Variants in CELF2 observed in about 807,000 individuals in gnomAD.
CELF2 encodes the protein CUG triplet repeat RNA-binding protein 2.
In CELF2, 8 loss-of-function variants were observed where a neutral mutation model predicts 62.6. The observed-to-expected ratio is 0.13, with a 90% CI of 0.07 to 0.23. The LOEUF (loss-of-function observed/expected upper bound fraction) is 0.23. Ranked by LOEUF, CELF2 falls within the 10% of genes least tolerant of loss-of-function variation. The probability of loss-of-function intolerance (pLI) is 1.00; values close to 1 mark genes in which losing one functional copy is unlikely to be tolerated. For missense variants in CELF2, 333 were observed against 671.0 expected (o/e 0.50, Z 5.56); for synonymous variants, 258 against 250.0 (o/e 1.03, Z -0.30).
At chr10:11,017,662 C>T (rs1564384698), upstream of CELF2, among the ~76,000 whole-genome samples, 3 of 152,120 alleles carry the variant, frequency 2.0e-5, no homozygotes, top group Non-Finnish European at 4.4e-5. This position sits in a 1 kb window ranked among gnomAD's most constrained non-coding sequence, Gnocchi z 5.5. Flanking sequence ...CGGCCTCTTG[C>T]CAGGGACCCC....
At chr10:10,512,795 T>A in the CELF2 span, among the ~76,000 whole-genome samples, 1 of 152,216 alleles carries the variant, frequency 6.6e-6, no homozygotes, top group Non-Finnish European at 1.5e-5. Flanking sequence ...AAGCCACAGT[T>A]GTCTCTTTAG....
At position 11,214,816 on chromosome 10, in the gene CELF2, T is replaced by C. The variant is rs2062875003; in HGVS notation, c.272-2609T>C. ...AACTATGCATAGTTGGAAGAGGATC[T>C]GTAGTGATAAGTGACTGACTTCACC... is the stretch of plus-strand genomic sequence containing the variant. On this transcript the variant is annotated intron_variant, in intron 2 of 12. Coordinates refer to ENST00000633077, the MANE Select transcript of CELF2 (RefSeq NM_001326342.2). This position sits in a 1 kb window ranked among gnomAD's most constrained non-coding sequence, Gnocchi z 4.2. 6.6e-6 allele frequency among the ~76,000 whole-genome samples: 1 copy of C among 152,236 alleles called. No homozygotes were observed. Among genetic ancestry groups the C allele is most frequent in the East Asian group, 1.9e-4 (1 of 5,206 alleles).
chr10:10,562,445 T>A, the CELF2 span, among the ~76,000 whole-genome samples: 19 of 152,344 alleles, frequency 1.2e-4, no homozygotes, highest in South Asian at 6.2e-4. Flanking sequence ...CCAATCATTC[T>A]TCAGCATATG....
rs1246931221 is a variant in CELF2 at position 11,228,299 on chromosome 10, A to G, written c.354+10792A>G. Among the ~76,000 whole-genome samples, 4 of 152,368 alleles carry G rather than the reference A, an allele frequency of 2.6e-5. No individual in the cohort carries two copies. In the East Asian group the frequency reaches 7.7e-4, roughly 29 times the overall value. ...GAGTGTTTACTATGTCCTCAGAACT[A>G]TGCCAAGAACTTTATATATACTTGA... On this transcript the variant is annotated intron_variant, in intron 3 of 12. Transcript: ENST00000633077.
At chr10:11,252,779 T>C (rs1043323228) in intron 4 of CELF2, among the ~76,000 whole-genome samples, 1 of 152,076 alleles carries the variant, frequency 6.6e-6, no homozygotes, top group African/African-American at 2.4e-5. Flanking sequence ...AAAAGGAAAA[T>C]AATCCCACTC....
Position 11,249,141 on chromosome 10 carries a change from TTG to T in CELF2, c.355-8_355-7del. The T allele has an allele frequency of 2.5e-6, 4 of 1,611,500 alleles. No homozygotes were observed. The highest frequency in any genetic ancestry group is 3.4e-6 in the Non-Finnish European group (4 of 1,177,564). ...TCAATCTGCCTTTACTTTCTCCCTT[TTG>T]TGTTTTTAGATGCATCATCCCATTC... On this transcript the variant is annotated splice_polypyrimidine_tract_variant and intron_variant, in intron 3 of 12. Coordinates refer to ENST00000633077, the MANE Select transcript of CELF2 (RefSeq NM_001326342.2).
At chr10:10,758,295 T>C in the CELF2 span, among the ~76,000 whole-genome samples, 1 of 152,174 alleles carries the variant, frequency 6.6e-6, no homozygotes, top group African/African-American at 2.4e-5. Flanking sequence ...CTTGGTGTAA[T>C]AGATTAAACT....
chr10:10,770,109 G>A, the CELF2 span, among the ~76,000 whole-genome samples: 1 of 152,136 alleles, frequency 6.6e-6, no homozygotes, highest in Non-Finnish European at 1.5e-5. Context: ...AAAACTTGAA[G>A]GTTTCTGATG....
At chr10:11,236,647 A>G (rs1001890750) in intron 3 of CELF2, among the ~76,000 whole-genome samples, 2 of 152,252 alleles carry the variant, frequency 1.3e-5, no homozygotes, top group African/African-American at 4.8e-5. Context: ...TTCGTATGCA[A>G]TATATAAGGT....
the CELF2 span, among the ~76,000 whole-genome samples, chr10:10,723,050 T>C: frequency 3.3e-5 from 5 of 152,228 alleles, no homozygotes; most frequent in Non-Finnish European, 7.3e-5. Flanking sequence ...TTATGTACTA[T>C]AATATTCATA....
At chr10:10,645,238 A>G in the CELF2 span, among the ~76,000 whole-genome samples, 3 of 152,156 alleles carry the variant, frequency 2.0e-5, no homozygotes, top group Non-Finnish European at 2.9e-5. Context: ...GAGAAGCACC[A>G]TTCACTTTCA....
chr10:11,176,470 A>G (rs768185223), intron 2 of CELF2, among the ~76,000 whole-genome samples: 2 of 152,214 alleles, frequency 1.3e-5, no homozygotes, highest in Non-Finnish European at 2.9e-5. Flanking sequence ...AGTGTTAACC[A>G]TCACAGGAGA....
intron 1 of CELF2, among the ~76,000 whole-genome samples, chr10:11,154,017 TAGAC>T (rs1486980277): frequency 6.6e-6 from 1 of 152,184 alleles, no homozygotes; most frequent in African/African-American, 2.4e-5. Context: ...GAAAGGCAGT[TAGAC>T]AGATATATAA....
chr10:10,913,654 G>T (rs1011631210), intron 1 of CELF2, among the ~76,000 whole-genome samples: 1 of 151,454 alleles, frequency 6.6e-6, no homozygotes, highest in African/African-American at 2.4e-5. Context: ...GGCTACCAAA[G>T]TGTTGTGATT....
chr10:10,514,129 C>T, the CELF2 span, among the ~76,000 whole-genome samples: 1 of 152,184 alleles, frequency 6.6e-6, no homozygotes, highest in African/African-American at 2.4e-5. Context: ...TGGGAGCTTT[C>T]CAAGATGTTA....
At chr10:10,975,241 T>C (rs1260186659) in intron 2 of CELF2, among the ~76,000 whole-genome samples, 1 of 152,152 alleles carries the variant, frequency 6.6e-6, no homozygotes, top group East Asian at 1.9e-4. Flanking sequence ...CCACAGCCTC[T>C]GGAGTAGCTG....
At chr10:10,788,453 C>CTTTTTTTTT in the CELF2 span, among the ~76,000 whole-genome samples, 12 of 95,730 alleles carry the variant, frequency 1.3e-4, 2 homozygotes, top group South Asian at 8.2e-4. Context: ...TTCTTTCCAT[C>CTTTTTTTTT]TTTTTTTTTT....
At chr10:10,590,026 G>C in the CELF2 span, among the ~76,000 whole-genome samples, 1 of 152,156 alleles carries the variant, frequency 6.6e-6, no homozygotes, top group Non-Finnish European at 1.5e-5. Flanking sequence ...TCTCTGCCCG[G>C]GGTGCTCAGG....
At chr10:10,753,931 A>G in the CELF2 span, among the ~76,000 whole-genome samples, 6 of 152,154 alleles carry the variant, frequency 3.9e-5, no homozygotes, top group Non-Finnish European at 7.4e-5. Flanking sequence ...AGGGTTTATT[A>G]TGAACAGGAT....
Sources: allele counts gnomAD v4.1 joint callset (sites outside exome capture counted in the v4.1 genomes callset), GRCh38; gene constraint gnomAD v4.1.1; non-coding constraint Gnocchi (gnomAD v3.1); transcripts MANE v1.5; gene names NCBI Gene and HGNC (gene_info 2026-07-23, HGNC 2026-07-21).